Variants in KIAA0930 observed in about 807,000 individuals in gnomAD.
The protein encoded by KIAA0930 is KIAA0930.
Under a neutral mutation model 43.9 loss-of-function variants are expected in KIAA0930, and 24 were observed. The observed-to-expected ratio is 0.55, with a 90% CI of 0.40 to 0.77. The LOEUF is 0.77. KIAA0930 is among the 30% of genes least tolerant of loss of function. KIAA0930 has a pLI of 0.00. For synonymous variants in KIAA0930, 259 were observed against 216.4 expected (o/e 1.20, Z -1.73); for missense variants, 461 against 574.2 (o/e 0.80, Z 2.02).
At chr22:45,212,462 G>C (rs953286897) in intron 1 of KIAA0930, 49 of 1,456,150 alleles carry the variant, frequency 3.4e-5, no homozygotes, top group Non-Finnish European at 4.4e-5. Flanking sequence ...TGGGCTGGAA[G>C]CCGGGAAGGC....
intron 1 of KIAA0930, among the ~76,000 whole-genome samples, chr22:45,219,353 C>T (rs538679949): frequency 3.3e-5 from 5 of 152,152 alleles, no homozygotes; most frequent in Non-Finnish European, 5.9e-5. Flanking sequence ...TTCCACTAAC[C>T]AGACCCTGGG....
chr22:45,208,651 CTG>C (rs1372502235), intron 2 of KIAA0930, among the ~76,000 whole-genome samples: 2 of 152,204 alleles, frequency 1.3e-5, no homozygotes, highest in Non-Finnish European at 1.5e-5. Flanking sequence ...TCATCACACT[CTG>C]TATCTGGGGG....
intron 5 of KIAA0930, 97 bp from the exon 6 acceptor site, chr22:45,204,082 C>T: frequency 1.3e-6 from 2 of 1,536,282 alleles, no homozygotes; most frequent in Admixed American, 1.8e-5. Flanking sequence ...CTCAGAAAAC[C>T]CCATTTTGCA....
At chr22:45,223,149 A>G (rs1033207921) in intron 1 of KIAA0930, among the ~76,000 whole-genome samples, 1 of 152,228 alleles carries the variant, frequency 6.6e-6, no homozygotes, top group Non-Finnish European at 1.5e-5. Flanking sequence ...GGTCCTATCA[A>G]TAGGGATAGT....
At chr22:45,198,015 G>T in intron 8 of KIAA0930, 67 bp from the exon 9 acceptor site, 1 of 1,543,354 alleles carries the variant, frequency 6.5e-7, no homozygotes. Flanking sequence ...CAGGAGGCCA[G>T]CTCCCAGTCC....
At chr22:45,238,593 TG>T (rs941774682) in intron 1 of KIAA0930, among the ~76,000 whole-genome samples, 2 of 152,162 alleles carry the variant, frequency 1.3e-5, no homozygotes, top group Admixed American at 1.3e-4. Context: ...GAGATGCTTG[TG>T]GGGCACATGA....
intron 1 of KIAA0930, among the ~76,000 whole-genome samples, chr22:45,238,958 G>C (rs2083902510): frequency 6.6e-6 from 1 of 151,818 alleles, no homozygotes; most frequent in Non-Finnish European, 1.5e-5. Flanking sequence ...GGCAAAGTCA[G>C]CATTGTGTCA....
rs1569069919 is a variant in KIAA0930 at position 45,197,846 on chromosome 22, A to C, written c.1118T>G (p.Phe373Cys). ...WLKLNRADGN[F>C]LLYAHLTYVT... ...GTAGGTTAAGTGTGCATAGAGAAGG[A>C]AGTTTCCATCTGCTCTGTTCAGCTT... Residue 373 changes from phenylalanine (F) to cysteine (C), a missense_variant, in exon 9 of 10, where the codon TTC becomes TGC. Phe to Cys is a radical substitution (Grantham distance 205, BLOSUM62 -2). Coordinates refer to ENST00000336156, the MANE Select transcript of KIAA0930 (RefSeq NM_001009880.2). The C allele has an allele frequency of 1.2e-6, 2 of 1,614,064 alleles. No individual in the cohort carries two copies. Among genetic ancestry groups the C allele is most frequent in the African/African-American group, 2.7e-5 (2 of 74,930 alleles).
intron 1 of KIAA0930, among the ~76,000 whole-genome samples, chr22:45,223,675 T>C (rs115007758): frequency 0.015 from 1,701 of 112,726 alleles, 29 homozygotes; most frequent in African/African-American, 0.058. Context: ...AGGGTCAGCA[T>C]TAAGCCAGCA....
At chr22:45,213,260 C>T in intron 1 of KIAA0930, 2 of 1,250,506 alleles carry the variant, frequency 1.6e-6, no homozygotes. Context: ...AGCCCTCGGC[C>T]CTCAGCCCTC....
intron 2 of KIAA0930, among the ~76,000 whole-genome samples, chr22:45,206,929 C>T (rs778283013): frequency 6.6e-6 from 1 of 151,988 alleles, no homozygotes; most frequent in South Asian, 2.1e-4. Flanking sequence ...GAACTCCTGA[C>T]CTCAGGTGAT....
At chr22:45,229,149 G>A (rs78784363) in intron 1 of KIAA0930, among the ~76,000 whole-genome samples, 9 of 9,440 alleles carry the variant, frequency 9.5e-4, no homozygotes, top group South Asian at 6.0e-3. Context: ...ACTCACCTGA[G>A]AGATCCCTCT....
intron 7 of KIAA0930, 55 bp from the exon 8 acceptor site, chr22:45,200,090 G>T (rs1166739067): frequency 2.7e-6 from 4 of 1,507,446 alleles, no homozygotes; most frequent in Admixed American, 4.4e-5. Flanking sequence ...CTCCCCGGGG[G>T]TCCCAACGCC....
intron 1 of KIAA0930, among the ~76,000 whole-genome samples, chr22:45,223,007 C>T (rs58112670): frequency 0.094 from 14,327 of 152,180 alleles, 727 homozygotes; most frequent in East Asian, 0.18. Context: ...AAATATCAGA[C>T]AGTCAAAATC....
chr22:45,216,977 T>C lies in KIAA0930; in HGVS notation c.65-4870A>G, dbSNP rs73434165. ...TAGTCAGTACCGACCCACTGGGTCC[T>C]AAGGCAAATACAAGGTTAGGGTCCT... On this transcript the variant is annotated intron_variant, in intron 1 of 9. Transcript: ENST00000336156. 5.9e-3 allele frequency among the ~76,000 whole-genome samples: 902 copies of C among 152,310 alleles called. 14 individuals are homozygous for C. Among genetic ancestry groups the C allele is most frequent in the African/African-American group, 0.02 (825 of 41,556 alleles).
intron 9 of KIAA0930, 39 bp downstream of exon 9, chr22:45,197,751 G>C: frequency 6.2e-7 from 1 of 1,608,488 alleles, no homozygotes; most frequent in Non-Finnish European, 8.5e-7. Flanking sequence ...AGCTGGCTGT[G>C]AGAAGGTGCG....
In KIAA0930 at chr22:45,212,215, G is replaced by T. The variant is rs77938082; in HGVS notation, c.65-108C>A. The T allele has an allele frequency of 1.1e-3, 1,832 of 1,613,018 alleles. 25 individuals carry two copies. The African/African-American group carries it at 0.021, about 19-fold the overall frequency. On this transcript the variant is annotated intron_variant, in intron 1 of 9. Transcript: ENST00000336156. Reference sequence around the variant, plus strand: ...CCCCCACATTTCTGGCCAGAAATTTGCGAGGGCTCTGAGATGCGCCACCCT... The same window carrying T: ...CCCCCACATTTCTGGCCAGAAATTTTCGAGGGCTCTGAGATGCGCCACCCT...
At chr22:45,211,284 T>C (rs1206779869) in intron 2 of KIAA0930, 5 of 397,902 alleles carry the variant, frequency 1.3e-5, no homozygotes, top group Non-Finnish European at 2.2e-5. Flanking sequence ...CATATGGAGT[T>C]GATTAAACAT....
At position 45,206,501 on chromosome 22, in the gene KIAA0930, A is replaced by G. The variant is rs188237280; in HGVS notation, c.217-589T>C. 4.0e-3 allele frequency among the ~76,000 whole-genome samples: 604 copies of G among 152,306 alleles called. 3 individuals are homozygous for G. Among genetic ancestry groups the G allele is most frequent in the Non-Finnish European group, 6.5e-3 (443 of 68,026 alleles). ...AAGTGGCATCAATGATAATAGTGAC[A>G]CCTACTGAGCTCTTAGTGGACGGCG... is the stretch of plus-strand genomic sequence containing the variant. On this transcript the variant is annotated intron_variant, in intron 2 of 9. Coordinates refer to ENST00000336156, the MANE Select transcript of KIAA0930 (RefSeq NM_001009880.2).
Sources: allele counts gnomAD v4.1 joint callset (sites outside exome capture counted in the v4.1 genomes callset), GRCh38; gene constraint gnomAD v4.1.1; transcripts MANE v1.5; gene names NCBI Gene and HGNC (gene_info 2026-07-23, HGNC 2026-07-21).